IRAK3: variants seen among roughly 807,000 people sequenced by gnomAD.
IRAK3 encodes the protein interleukin-1 receptor-associated kinase 3.
In IRAK3, 57 loss-of-function variants were observed where a neutral mutation model predicts 56.6. That is an observed-to-expected ratio of 1.01 (90% CI 0.81 to 1.26). The LOEUF is 1.26. IRAK3 is among the 50% of genes most tolerant of loss of function. The pLI, the probability that IRAK3 is intolerant of heterozygous loss-of-function variation, is 0.00. For synonymous variants in IRAK3, 258 were observed against 255.7 expected (o/e 1.01, Z -0.09); for missense variants, 703 against 719.0 (o/e 0.98, Z 0.25).
intron 1 of IRAK3, among the ~76,000 whole-genome samples, chr12:66,202,320 C>A (rs1049442567): frequency 2.0e-5 from 3 of 151,982 alleles, no homozygotes; most frequent in Non-Finnish European, 4.4e-5. Flanking sequence ...AATTCTGGCA[C>A]CAGGATTGAG....
At chr12:66,238,890 A>C (rs2052935337) in intron 8 of IRAK3, among the ~76,000 whole-genome samples, 1 of 152,230 alleles carries the variant, frequency 6.6e-6, no homozygotes, top group Non-Finnish European at 1.5e-5. Context: ...GGACTTAAAG[A>C]AAAGAATCTT....
Position 66,249,692 on chromosome 12 carries a change from G to A in IRAK3, c.*1521G>A, listed in dbSNP as rs1031851158. 4 of 152,428 alleles carry A rather than the reference G, an allele frequency of 2.6e-5. No homozygotes were observed. The highest frequency in any genetic ancestry group is 4.8e-5 in the African/African-American group (2 of 41,376). 9.4% of individuals were successfully genotyped at this position (152,428 alleles called of 1,614,324 possible). On this transcript the variant is annotated 3_prime_UTR_variant, in exon 12 of 12. Transcript: ENST00000261233. Reference sequence around the variant, plus strand: ...TCTTTGGCTCATGGCCTCTTCCTCCGTCTTCAAAGCCAGCAACGTGACATT... The same window carrying A: ...TCTTTGGCTCATGGCCTCTTCCTCCATCTTCAAAGCCAGCAACGTGACATT...
intron 8 of IRAK3, among the ~76,000 whole-genome samples, chr12:66,242,992 G>A (rs993749698): frequency 6.6e-6 from 1 of 152,008 alleles, no homozygotes; most frequent in Non-Finnish European, 1.5e-5. Flanking sequence ...CTTGAACCCG[G>A]GAGGCAGAGG....
intron 2 of IRAK3, among the ~76,000 whole-genome samples, chr12:66,205,737 GATTTT>G (rs1334263524): frequency 3.9e-5 from 6 of 152,136 alleles, no homozygotes; most frequent in African/African-American, 1.4e-4. Context: ...TTGTGGAACT[GATTTT>G]ATTTTAGAAG....
At chr12:66,240,097 T>C (rs1237504343) in intron 8 of IRAK3, among the ~76,000 whole-genome samples, 1 of 152,180 alleles carries the variant, frequency 6.6e-6, no homozygotes, top group Non-Finnish European at 1.5e-5. Flanking sequence ...TAAGGTAAGG[T>C]AATGGACATA....
rs1398537173 is a variant in IRAK3 at position 66,248,354 on chromosome 12, C to T, written c.*183C>T. ...TTTCCCAAACCCTCAAACAGAGTGCCTTAAAAAATTGTTTTATCAGGATAA... is the reference window on the plus strand; with the variant it reads ...TTTCCCAAACCCTCAAACAGAGTGCTTTAAAAAATTGTTTTATCAGGATAA... On this transcript the variant is annotated 3_prime_UTR_variant, in exon 12 of 12. Transcript: ENST00000261233. 3 of 538,366 alleles carry T rather than the reference C, an allele frequency of 5.6e-6. No homozygotes were observed. In the African/African-American group the frequency reaches 5.7e-5, roughly 10 times the overall value. 33.3% of individuals were successfully genotyped at this position (538,366 alleles called of 1,614,324 possible).
At chr12:66,202,779 T>C (rs1385604116) in intron 1 of IRAK3, among the ~76,000 whole-genome samples, 24 of 150,860 alleles carry the variant, frequency 1.6e-4, no homozygotes. Flanking sequence ...TGCTCCAACC[T>C]GGGTGACAGA....
chr12:66,252,477 C>G lies in IRAK3; in HGVS notation c.*4306C>G, dbSNP rs1479847000. ...CTGCCTTTATCACTATCCTACTCCT[C>G]TGCTACAACTTCTCTGCTACAGGCA... On this transcript the variant is annotated 3_prime_UTR_variant, in exon 12 of 12. Transcript: ENST00000261233. 1.3e-5 allele frequency: 2 copies of G among 152,230 alleles called. No homozygotes were observed. Among genetic ancestry groups the G allele is most frequent in the African/African-American group, 4.8e-5 (2 of 41,458 alleles). 9.4% of individuals were successfully genotyped at this position (152,230 alleles called of 1,614,324 possible).
intron 11 of IRAK3, among the ~76,000 whole-genome samples, chr12:66,246,670 G>A (rs1328569489): frequency 6.6e-6 from 1 of 152,200 alleles, no homozygotes; most frequent in Non-Finnish European, 1.5e-5. Flanking sequence ...TGAGCCTCAG[G>A]CTTTATCATC....
intron 8 of IRAK3, among the ~76,000 whole-genome samples, chr12:66,229,986 T>C (rs1252920194): frequency 6.6e-6 from 1 of 152,218 alleles, no homozygotes; most frequent in Non-Finnish European, 1.5e-5. Context: ...AATCCTTTCC[T>C]GAATGCAGAG....
intron 8 of IRAK3, among the ~76,000 whole-genome samples, chr12:66,239,752 CA>C (rs1389453072): frequency 6.6e-6 from 1 of 152,070 alleles, no homozygotes; most frequent in African/African-American, 2.4e-5. Context: ...TAAGGGATGC[CA>C]AAACAATTAA....
intron 6 of IRAK3, 57 bp from the exon 7 acceptor site, chr12:66,226,666 G>A: frequency 1.0e-6 from 1 of 982,568 alleles, no homozygotes; most frequent in Non-Finnish European, 1.7e-6. Flanking sequence ...CCAGTGTGTT[G>A]TTCATTTCCT....
At chr12:66,225,071 C>T (rs771381465) in intron 6 of IRAK3, among the ~76,000 whole-genome samples, 110 of 152,058 alleles carry the variant, frequency 7.2e-4, no homozygotes, top group South Asian at 3.1e-3. Flanking sequence ...ATCAGTAATA[C>T]TTAAAAATAA....
intron 1 of IRAK3, among the ~76,000 whole-genome samples, chr12:66,191,958 T>A (rs2701654): frequency 0.21 from 32,301 of 152,230 alleles, 6,185 homozygotes; most frequent in African/African-American, 0.5. Flanking sequence ...GCAGCCTATA[T>A]GATATGACCA....
rs1267773672 is a variant in IRAK3 at position 66,203,769 on chromosome 12, A to G, written c.192A>G (p.Gln64=). 1 of 1,614,120 alleles carries G rather than the reference A, an allele frequency of 6.2e-7. No homozygotes were observed. Among genetic ancestry groups the G allele is most frequent in the East Asian group, 2.2e-5 (1 of 44,878 alleles). Residue 64 remains glutamine, a synonymous_variant, in exon 2 of 12, where the codon CAA becomes CAG. Coordinates refer to ENST00000261233, the MANE Select transcript of IRAK3 (RefSeq NM_007199.3). ...GTCATATTGAAAAGTATGTAGACCA[A>G]GGTAAAAGTGGAACAAGAGAATTAC... The part of the protein sequence containing the change: ...DVRHIEKYVD[Q]GKSGTRELLW...
intron 2 of IRAK3, among the ~76,000 whole-genome samples, chr12:66,207,863 A>G (rs1397345036): frequency 6.6e-6 from 1 of 152,066 alleles, no homozygotes; most frequent in Non-Finnish European, 1.5e-5. Flanking sequence ...TTGTGCTTGT[A>G]TTTCAATATG....
Position 66,248,302 on chromosome 12 carries a change from A to G in IRAK3, c.*131A>G, listed in dbSNP as rs79110985. 5.1e-5 allele frequency: 35 copies of G among 681,936 alleles called. 1 individual carries two copies. In the East Asian group the frequency reaches 8.8e-4, roughly 17 times the overall value. The allele number at this position is 681,936 out of a possible 1,614,324, so 42.2% of individuals were successfully genotyped here. A position where few individuals can be genotyped will look rare whatever the true frequency, so the allele number is the denominator to read the frequency against. ...AATAGTGAGTTTGGGTGATGCAGAT[A>G]AACAATCTGGATAATTCCATTTCTT... On this transcript the variant is annotated 3_prime_UTR_variant, in exon 12 of 12. Transcript: ENST00000261233.
chr12:66,244,979 T>C lies in IRAK3; in HGVS notation c.1118T>C (p.Val373Ala), dbSNP rs753817232. The C allele has an allele frequency of 6.2e-7, 1 of 1,613,410 alleles. No homozygotes were observed. Among genetic ancestry groups the C allele is most frequent in the South Asian group, 1.1e-5 (1 of 91,058 alleles). Residue 373 changes from valine (V) to alanine (A), a missense_variant, in exon 10 of 12, where the codon GTA (valine) becomes GCA (alanine). Physicochemically the swap from Val to Ala is moderately conservative, Grantham distance 64 (BLOSUM62 0). Transcript: ENST00000261233. ...ATGGAAGTTCTAACAGGATGTAGAG[T>C]AGTGTTAGATGATCCAAAACATATC... ...VIMEVLTGCR[V>A]VLDDPKHIQL...
At chr12:66,245,994 G>A (rs944668570) in intron 11 of IRAK3, among the ~76,000 whole-genome samples, 3 of 151,992 alleles carry the variant, frequency 2.0e-5, no homozygotes, top group Non-Finnish European at 4.4e-5. Context: ...CAGTGATCAA[G>A]ATGCAATGAC....
Sources: gnomAD v4.1 joint callset for allele counts (sites outside exome capture counted in the v4.1 genomes callset) on GRCh38, gnomAD v4.1.1 for gene constraint, MANE v1.5 for transcripts, NCBI Gene and HGNC (gene_info 2026-07-23, HGNC 2026-07-21) for gene names.